PPP1R12B: variants seen among roughly 807,000 people sequenced by gnomAD.
PPP1R12B encodes the protein protein phosphatase 1 regulatory subunit 12B.
Under a neutral mutation model 126.1 loss-of-function variants are expected in PPP1R12B, and 76 were observed. That is an observed-to-expected ratio of 0.60 (90% confidence interval 0.50 to 0.73). The LOEUF (loss-of-function observed/expected upper bound fraction) is 0.73, where lower values mean the gene tolerates loss of function less well. PPP1R12B is among the 30% of genes least tolerant of loss of function. The probability of loss-of-function intolerance (pLI) is 0.00; values close to 1 mark genes in which losing one functional copy is unlikely to be tolerated. For missense variants in PPP1R12B, 1,052 were observed against 1,205.1 expected (o/e 0.87, Z 1.88); for synonymous variants, 356 against 434.7 (o/e 0.82, Z 2.25).
chr1:202,492,587 T>G (rs1327303642), intron 14 of PPP1R12B, among the ~76,000 whole-genome samples: 1 of 152,226 alleles, frequency 6.6e-6, no homozygotes, highest in Admixed American at 6.5e-5. Flanking sequence ...CCTATATGAT[T>G]CCTAGAGTTA....
rs149571838 is a variant in PPP1R12B at position 202,365,879 on chromosome 1, A to G, written c.291+16737A>G. On this transcript the variant is annotated intron_variant, in intron 1 of 23. Transcript: ENST00000608999. ...GTGGCATACCTCTGTAGTCCCAGCT[A>G]CTCAGGAGGCTAAGGCGGGAGGATT... Among the ~76,000 whole-genome samples the G allele has an allele frequency of 2.1e-3, 318 of 152,228 alleles. 1 individual carries two copies. Among genetic ancestry groups the G allele is most frequent in the African/African-American group, 7.5e-3 (310 of 41,530 alleles).
chr1:202,432,959 C>G (rs190878285), intron 8 of PPP1R12B, among the ~76,000 whole-genome samples: 360 of 152,290 alleles, frequency 2.4e-3, no homozygotes, highest in Non-Finnish European at 4.0e-3. Context: ...AGAATACTAC[C>G]CTTCTTCATG....
intron 18 of PPP1R12B, among the ~76,000 whole-genome samples, chr1:202,534,563 CT>C (rs34606007): frequency 0.44 from 58,252 of 132,722 alleles, 11,086 homozygotes; most frequent in East Asian, 0.65. Flanking sequence ...CTAGCTTTCC[CT>C]TTTTTTTTTT....
chr1:202,395,169 A>G (rs1438983306), intron 1 of PPP1R12B, among the ~76,000 whole-genome samples: 1 of 151,482 alleles, frequency 6.6e-6, no homozygotes, highest in Non-Finnish European at 1.5e-5. Flanking sequence ...AAGCTATAGT[A>G]TACCTGATAT....
Position 202,442,505 on chromosome 1 carries a change from G to T in PPP1R12B, c.1600G>T (p.Glu534Ter). The T allele has an allele frequency of 6.2e-7, 1 of 1,613,704 alleles. No homozygotes were observed. The highest frequency in any genetic ancestry group is 8.5e-7 in the Non-Finnish European group (1 of 1,179,790). ...CTATACCCGGCAGCTATGGAGGGATGAAGCAAAAGGAAATGAAATCCCACA... is the reference window on the plus strand; with the variant it reads ...CTATACCCGGCAGCTATGGAGGGATTAAGCAAAAGGAAATGAAATCCCACA... The part of the protein sequence containing the change: ...GSYTRQLWRD[E>*]AKGNEIPQTI... The change falls in exon 12 of 24, where the codon GAA becomes TAA. Residue 534 changes from glutamate (E) to a stop codon, truncating the protein, a stop_gained. Coordinates refer to ENST00000608999, the MANE Select transcript of PPP1R12B (RefSeq NM_002481.4). LOFTEE classifies it high-confidence loss of function.
intron 13 of PPP1R12B, among the ~76,000 whole-genome samples, chr1:202,480,842 T>C (rs1677251943): frequency 6.6e-6 from 1 of 152,206 alleles, no homozygotes; most frequent in South Asian, 2.1e-4. Flanking sequence ...TCTTTGAAAG[T>C]ACAAGATAGA....
intron 1 of PPP1R12B, among the ~76,000 whole-genome samples, chr1:202,388,922 G>A (rs191738307): frequency 6.6e-6 from 1 of 152,244 alleles, no homozygotes; most frequent in Admixed American, 6.5e-5. Context: ...CTATAGTATT[G>A]ATAGAGGAAT....
intron 18 of PPP1R12B, among the ~76,000 whole-genome samples, chr1:202,529,476 T>C (rs902105432): frequency 8.5e-5 from 13 of 152,180 alleles, no homozygotes; most frequent in Non-Finnish European, 1.9e-4. Context: ...CGTAGGGCCT[T>C]TTCCTTAAAA....
chr1:202,402,375 T>C (rs1665973197), intron 1 of PPP1R12B, among the ~76,000 whole-genome samples: 1 of 152,218 alleles, frequency 6.6e-6, no homozygotes, highest in Non-Finnish European at 1.5e-5. Context: ...GTGTTATTCA[T>C]TGGTTTGTAT....
chr1:202,461,277 T>C (rs1382505518), intron 13 of PPP1R12B, among the ~76,000 whole-genome samples: 1 of 152,182 alleles, frequency 6.6e-6, no homozygotes, highest in Non-Finnish European at 1.5e-5. Context: ...TTTCTGACTC[T>C]TTCCTCATAT....
intron 13 of PPP1R12B, among the ~76,000 whole-genome samples, chr1:202,481,144 G>A (rs1489130834): frequency 6.6e-6 from 1 of 152,204 alleles, no homozygotes; most frequent in Non-Finnish European, 1.5e-5. Flanking sequence ...ATCTGACAGA[G>A]GGCAGAGCTC....
intron 1 of PPP1R12B, among the ~76,000 whole-genome samples, chr1:202,362,659 G>T (rs55828956): frequency 0.44 from 60,928 of 138,990 alleles, 14,339 homozygotes; most frequent in East Asian, 0.71. Flanking sequence ...CAGGGTTTTT[G>T]TTTTTTTTTT....
At chr1:202,574,984 A>G (rs773984968) in intron 23 of PPP1R12B, 1 of 1,587,504 alleles carries the variant, frequency 6.3e-7, no homozygotes, top group Non-Finnish European at 8.6e-7. Flanking sequence ...TGTCCTTTTC[A>G]TGTCTCAATC....
intron 13 of PPP1R12B, among the ~76,000 whole-genome samples, chr1:202,480,986 G>T (rs1292711531): frequency 6.6e-6 from 1 of 152,166 alleles, no homozygotes; most frequent in Non-Finnish European, 1.5e-5. Flanking sequence ...GGCATGGGGT[G>T]TGGGGGGCAG....
At chr1:202,440,905 A>G (rs1169184778) in intron 11 of PPP1R12B, 117 bp downstream of exon 11, 2 of 780,394 alleles carry the variant, frequency 2.6e-6, no homozygotes, top group Non-Finnish European at 4.3e-6. Context: ...CACATTATGA[A>G]TTGTTTATTC....
At chr1:202,575,123 C>T (rs967575156) in intron 23 of PPP1R12B, 4 of 1,613,626 alleles carry the variant, frequency 2.5e-6, no homozygotes, top group Non-Finnish European at 3.4e-6. Flanking sequence ...TCCTCGGACA[C>T]CCAGGAGCTC....
chr1:202,552,157 A>C (rs76284215), intron 18 of PPP1R12B, among the ~76,000 whole-genome samples: 2,915 of 152,340 alleles, frequency 0.019, 104 homozygotes, highest in African/African-American at 0.066. Context: ...GATATAAAAA[A>C]CAGCATAGGC....
chr1:202,382,299 G>A (rs1193084030), intron 1 of PPP1R12B, among the ~76,000 whole-genome samples: 1 of 150,980 alleles, frequency 6.6e-6, no homozygotes, highest in Non-Finnish European at 1.5e-5. Flanking sequence ...GGGAGGGATA[G>A]CATTAGGAGA....
chr1:202,558,824 T>C (rs1234236774), intron 18 of PPP1R12B, 53 bp from the exon 19 acceptor site: 1 of 1,176,176 alleles, frequency 8.5e-7, no homozygotes, highest in Non-Finnish European at 1.3e-6. Flanking sequence ...TTGCTAATGC[T>C]GTTTTCTTTT....
Sources: allele counts gnomAD v4.1 joint callset (sites outside exome capture counted in the v4.1 genomes callset), GRCh38; gene constraint gnomAD v4.1.1; transcripts MANE v1.5; gene names NCBI Gene and HGNC (gene_info 2026-07-23, HGNC 2026-07-21).